Variants in MPP7 observed in about 807,000 individuals in gnomAD.
The protein encoded by MPP7 is MAGUK p55 subfamily member 7.
MPP7 carries 60 observed loss-of-function variants against 76.5 expected under a neutral mutation model. That is an observed-to-expected ratio of 0.78 (90% CI 0.64 to 0.97). MPP7 has a LOEUF of 0.97. Ranked by LOEUF, MPP7 falls within the 50% of genes least tolerant of loss-of-function variation. MPP7 has a pLI of 0.00. For missense variants in MPP7, 641 were observed against 694.0 expected, an observed-to-expected ratio of 0.92 and a Z score of 0.86; for synonymous variants, 237 against 244.5, an observed-to-expected ratio of 0.97 and a Z score of 0.29.
chr10:28,118,752 C>A (rs1418199855), intron 11 of MPP7: 2 of 985,218 alleles, frequency 2.0e-6, no homozygotes, highest in Admixed American at 6.2e-5. Context: ...GATTTATACT[C>A]GACTACAGTT....
chr10:28,270,532 A>AAGGGGG (rs1304530937), intron 1 of MPP7, among the ~76,000 whole-genome samples: 4 of 15,502 alleles, frequency 2.6e-4, no homozygotes, highest in African/African-American at 8.4e-4. Flanking sequence ...AAAAAAAAAA[A>AAGGGGG]GGGGGGGGGG....
upstream of MPP7, among the ~76,000 whole-genome samples, chr10:28,307,237 G>A (rs1275775175): frequency 6.6e-6 from 1 of 152,194 alleles, no homozygotes; most frequent in Non-Finnish European, 1.5e-5. Context: ...AAGGCCGAAG[G>A]CTTGGATGGT....
intron 6 of MPP7, among the ~76,000 whole-genome samples, chr10:28,130,505 G>C (rs1835157694): frequency 6.6e-6 from 1 of 152,186 alleles, no homozygotes. Context: ...CTTTCCTCAT[G>C]AATCACTTGC....
At chr10:28,054,717 C>T (rs1464854305) in intron 16 of MPP7, among the ~76,000 whole-genome samples, 1 of 152,148 alleles carries the variant, frequency 6.6e-6, no homozygotes, top group Non-Finnish European at 1.5e-5. Context: ...CACTCTGTCA[C>T]CCAGGTTGGG....
intron 5 of MPP7, among the ~76,000 whole-genome samples, chr10:28,133,874 T>C (rs915635275): frequency 6.6e-5 from 10 of 152,204 alleles, no homozygotes; most frequent in African/African-American, 2.4e-4. Flanking sequence ...CCCATGCTGT[T>C]ACTTATGGTA....
intron 3 of MPP7, among the ~76,000 whole-genome samples, chr10:28,155,370 G>C (rs1836017802): frequency 1.3e-5 from 2 of 152,092 alleles, no homozygotes; most frequent in Non-Finnish European, 2.9e-5. Context: ...CAGGCAGATT[G>C]CTTGAGCCCA....
intron 2 of MPP7, among the ~76,000 whole-genome samples, chr10:28,212,771 G>A (rs759577001): frequency 2.0e-5 from 3 of 152,122 alleles, no homozygotes; most frequent in Middle Eastern, 3.2e-3. Flanking sequence ...CTGTGTAAAC[G>A]CCACTGATAA....
chr10:28,087,109 C>T (rs970686990), intron 12 of MPP7, among the ~76,000 whole-genome samples: 2 of 152,156 alleles, frequency 1.3e-5, no homozygotes, highest in Admixed American at 1.3e-4. Flanking sequence ...CCCTCCCTGG[C>T]GTGAGGCAGT....
intron 1 of MPP7, among the ~76,000 whole-genome samples, chr10:28,293,713 A>G (rs1032507227): frequency 2.6e-5 from 4 of 152,206 alleles, no homozygotes; most frequent in Non-Finnish European, 4.4e-5. Context: ...CCCTTCACCC[A>G]ACCAGCAGGT....
intron 1 of MPP7, among the ~76,000 whole-genome samples, chr10:28,241,104 G>A (rs1839253458): frequency 6.6e-6 from 1 of 152,050 alleles, no homozygotes; most frequent in East Asian, 1.9e-4. Context: ...TTTCATGCTT[G>A]TAAACCATAC....
chr10:28,162,315 TC>T (rs1836288799), intron 3 of MPP7, among the ~76,000 whole-genome samples: 1 of 152,034 alleles, frequency 6.6e-6, no homozygotes, highest in African/African-American at 2.4e-5. Flanking sequence ...CTACTCAGAA[TC>T]CCACTGAAAT....
At chr10:28,314,978 T>C (rs1199402205) in intron 2 of MPP7, among the ~76,000 whole-genome samples, 1 of 151,778 alleles carries the variant, frequency 6.6e-6, no homozygotes, top group Non-Finnish European at 1.5e-5. Context: ...CAAGACCCAA[T>C]ATCTACAAAA....
At chr10:28,236,409 T>C (rs1023276996) in intron 2 of MPP7, among the ~76,000 whole-genome samples, 1 of 152,042 alleles carries the variant, frequency 6.6e-6, no homozygotes, top group Non-Finnish European at 1.5e-5. Flanking sequence ...TCCAAGAATA[T>C]AGCTTGGTGT....
At chr10:28,109,554 C>T (rs2133556702) in intron 11 of MPP7, among the ~76,000 whole-genome samples, 1 of 152,042 alleles carries the variant, frequency 6.6e-6, no homozygotes, top group South Asian at 2.1e-4. Context: ...AACCAAAGCA[C>T]ACTAGGAAAC....
At chr10:28,206,781 C>G (rs189928878) in intron 2 of MPP7, among the ~76,000 whole-genome samples, 17 of 152,196 alleles carry the variant, frequency 1.1e-4, no homozygotes, top group Admixed American at 9.2e-4. Flanking sequence ...TTCATTTGTC[C>G]TGTAACTGTA....
intron 1 of MPP7, among the ~76,000 whole-genome samples, chr10:28,270,532 A>AAGGG (rs1304530937): frequency 5.2e-4 from 8 of 15,514 alleles, no homozygotes; most frequent in East Asian, 1.3e-3. Context: ...AAAAAAAAAA[A>AAGGG]GGGGGGGGGG....
chr10:28,120,796 C>T (rs902811718), intron 8 of MPP7, 128 bp from the exon 9 acceptor site: 26 of 592,270 alleles, frequency 4.4e-5, no homozygotes, highest in Non-Finnish European at 7.0e-5. Flanking sequence ...ATAGACTAAA[C>T]GGAGGAAACT....
chr10:28,112,670 A>C (rs1449026126), intron 11 of MPP7, among the ~76,000 whole-genome samples: 1 of 152,200 alleles, frequency 6.6e-6, no homozygotes, highest in East Asian at 1.9e-4. Context: ...AGACTTAGCA[A>C]GTTTGAACAA....
intron 13 of MPP7, among the ~76,000 whole-genome samples, chr10:28,060,060 T>A (rs1851717086): frequency 6.6e-6 from 1 of 152,146 alleles, no homozygotes; most frequent in Non-Finnish European, 1.5e-5. Flanking sequence ...CTTTTTTTTT[T>A]TTTTGCAAAT....
Sources: gnomAD v4.1 joint callset for allele counts (sites outside exome capture counted in the v4.1 genomes callset) on GRCh38, gnomAD v4.1.1 for gene constraint, MANE v1.5 for transcripts, NCBI Gene and HGNC (gene_info 2026-07-23, HGNC 2026-07-21) for gene names.